DISP1: variants seen among roughly 807,000 people sequenced by gnomAD.
DISP1 encodes the protein protein dispatched homolog 1.
In DISP1, 30 loss-of-function variants were observed where a neutral mutation model predicts 37.3. That is an observed-to-expected ratio of 0.80 (90% CI 0.60 to 1.09). The LOEUF (loss-of-function observed/expected upper bound fraction) is 1.09, where lower values mean the gene tolerates loss of function less well. Ranked by LOEUF, DISP1 falls within the 50% of genes least tolerant of loss-of-function variation. The pLI is 0.00. For missense variants in DISP1, 1,598 were observed against 1,879.5 expected, an observed-to-expected ratio of 0.85 and a Z score of 2.77; for synonymous variants, 634 against 690.2, an observed-to-expected ratio of 0.92 and a Z score of 1.28.
rs1369331946 is a variant in DISP1 at position 222,944,071 on chromosome 1, GCCT to G, written c.509+744_509+746del. Among the ~76,000 whole-genome samples, 3 of 151,976 alleles carry G rather than the reference GCCT, an allele frequency of 2.0e-5. No homozygotes were observed. The South Asian group carries it at 6.2e-4, about 31-fold the overall frequency. On this transcript the variant is annotated intron_variant, in intron 3 of 8. Transcript: ENST00000675850. ...AACAACAACAACAAAAAAACACCTT[GCCT>G]CCTCATGCTGCCTTATGGCTGTACT...
intron 1 of DISP1, among the ~76,000 whole-genome samples, chr1:222,867,279 G>C (rs767069172): frequency 8.5e-5 from 13 of 152,226 alleles, no homozygotes; most frequent in Middle Eastern, 6.8e-3. Flanking sequence ...TTCAAGATAT[G>C]TAATAATTGG....
chr1:222,963,378 T>A (rs899650973), intron 3 of DISP1, among the ~76,000 whole-genome samples: 2 of 152,168 alleles, frequency 1.3e-5, no homozygotes, highest in Non-Finnish European at 2.9e-5. Context: ...TCCTCAAGGA[T>A]CTAAAACCAG....
Position 223,003,163 on chromosome 1 carries a change from C to T in DISP1, c.1766C>T (p.Pro589Leu), listed in dbSNP as rs1679604307. The T allele has an allele frequency of 6.2e-7, 1 of 1,614,064 alleles. No homozygotes were observed. The highest frequency in any genetic ancestry group is 1.3e-5 in the African/African-American group (1 of 74,912). The change falls in exon 9 of 9, where the codon CCT (proline) becomes CTT (leucine). Residue 589 changes from proline (P) to leucine (L), a missense_variant. Transcript: ENST00000675850. This position sits in a 1 kb window ranked among gnomAD's most constrained non-coding sequence, Gnocchi z 4.3. ...DVWNYTKFDK[P>L]HAETSETVSI... The stretch of plus-strand genomic sequence containing the variant: ...TGGAACTACACAAAATTTGATAAGC[C>T]TCATGCCGAAACCTCAGAAACAGTA...
chr1:222,900,157 G>T (rs565215741), intron 1 of DISP1, among the ~76,000 whole-genome samples: 91 of 152,270 alleles, frequency 6.0e-4, no homozygotes, highest in Middle Eastern at 6.8e-3. Flanking sequence ...GTAGAATTGA[G>T]ATTGAATATA....
At chr1:222,896,395 G>A (rs1187289633) in intron 1 of DISP1, among the ~76,000 whole-genome samples, 1 of 152,116 alleles carries the variant, frequency 6.6e-6, no homozygotes, top group African/African-American at 2.4e-5. Flanking sequence ...GAGGTCAGGA[G>A]TTTGAGACCA....
intron 3 of DISP1, among the ~76,000 whole-genome samples, chr1:222,955,228 A>G (rs914507101): frequency 2.0e-5 from 3 of 152,058 alleles, no homozygotes; most frequent in African/African-American, 4.8e-5. Context: ...CTGGAACTAC[A>G]GATGCATGCC....
intron 2 of DISP1, among the ~76,000 whole-genome samples, chr1:222,937,579 C>T (rs1048358821): frequency 9.2e-5 from 14 of 152,008 alleles, no homozygotes; most frequent in African/African-American, 3.4e-4. Flanking sequence ...AAAATTTAAT[C>T]GAAAGATGGT....
chr1:222,859,297 A>C (rs1264404337), intron 1 of DISP1, among the ~76,000 whole-genome samples: 1 of 152,120 alleles, frequency 6.6e-6, no homozygotes, highest in Non-Finnish European at 1.5e-5. Context: ...CACACAGACA[A>C]AGGGAGGGGA....
intron 1 of DISP1, chr1:222,837,092 T>G (rs976915211): frequency 6.5e-5 from 26 of 398,404 alleles, no homozygotes; most frequent in Non-Finnish European, 1.8e-5. Context: ...TTGGGCCCAG[T>G]AAGTTTGGGC....
intron 1 of DISP1, among the ~76,000 whole-genome samples, chr1:222,861,057 C>T (rs946270504): frequency 6.6e-6 from 1 of 152,140 alleles, no homozygotes; most frequent in Non-Finnish European, 1.5e-5. Flanking sequence ...TAAGGCCATA[C>T]TTATCAATGA....
intron 4 of DISP1, among the ~76,000 whole-genome samples, chr1:222,983,335 G>C (rs748499219): frequency 9.9e-5 from 15 of 151,996 alleles, no homozygotes; most frequent in Admixed American, 9.8e-4. Context: ...TTTGTGTCTA[G>C]GGCTAGGTGC....
chr1:222,870,028 G>A (rs902491908), intron 1 of DISP1, among the ~76,000 whole-genome samples: 22 of 151,950 alleles, frequency 1.4e-4, no homozygotes, highest in South Asian at 6.2e-4. Flanking sequence ...CTATGAATGA[G>A]AACATGCGGT....
At chr1:222,863,297 G>A (rs1198484528) in intron 1 of DISP1, among the ~76,000 whole-genome samples, 1 of 152,146 alleles carries the variant, frequency 6.6e-6, no homozygotes, top group Admixed American at 6.5e-5. Context: ...GAGGTGGGCA[G>A]ATTGCTTCAG....
At chr1:222,881,221 GT>G (rs1382597289) in intron 1 of DISP1, among the ~76,000 whole-genome samples, 7 of 152,008 alleles carry the variant, frequency 4.6e-5, no homozygotes, top group African/African-American at 1.4e-4. Flanking sequence ...TTGAGACACA[GT>G]TTTGCTCTTG....
intron 3 of DISP1, among the ~76,000 whole-genome samples, chr1:222,952,935 C>G (rs571198525): frequency 6.6e-6 from 1 of 152,192 alleles, no homozygotes; most frequent in Non-Finnish European, 1.5e-5. Flanking sequence ...CAATATCCTT[C>G]AGAATCTTCT....
At chr1:222,826,996 T>G (rs1298234215) in intron 1 of DISP1, among the ~76,000 whole-genome samples, 1 of 152,200 alleles carries the variant, frequency 6.6e-6, no homozygotes, top group Non-Finnish European at 1.5e-5. Context: ...TTGCAAGGTT[T>G]TCCATTTCTA....
At chr1:222,935,473 C>T (rs1572546733) in intron 2 of DISP1, among the ~76,000 whole-genome samples, 1 of 152,278 alleles carries the variant, frequency 6.6e-6, no homozygotes, top group African/African-American at 2.4e-5. Flanking sequence ...ACTTTGAGCA[C>T]CTTACTTAGA....
chr1:222,849,723 G>A (rs142487625), intron 1 of DISP1, among the ~76,000 whole-genome samples: 4 of 152,170 alleles, frequency 2.6e-5, no homozygotes, highest in Admixed American at 6.5e-5. Flanking sequence ...ATTTTGACAA[G>A]TGAAATTGTG....
chr1:222,940,481 G>A (rs1674301414), intron 2 of DISP1, among the ~76,000 whole-genome samples: 1 of 152,118 alleles, frequency 6.6e-6, no homozygotes, highest in Non-Finnish European at 1.5e-5. Flanking sequence ...TGAGATTTGG[G>A]CAGGACACAG....
Sources: gnomAD v4.1 joint callset for allele counts (sites outside exome capture counted in the v4.1 genomes callset) on GRCh38, gnomAD v4.1.1 for gene constraint, Gnocchi (gnomAD v3.1) non-coding constraint, MANE v1.5 for transcripts, NCBI Gene and HGNC (gene_info 2026-07-23, HGNC 2026-07-21) for gene names.